The following DSCAML1 variants were observed in gnomAD, a reference collection of about 807,000 sequenced individuals.
DSCAML1 encodes the protein DS cell adhesion molecule like 1, also known as cell adhesion molecule DSCAML1.
DSCAML1 carries 38 observed loss-of-function variants against 200.5 expected under a neutral mutation model. The observed-to-expected ratio is 0.19, with a 90% CI of 0.15 to 0.25. The LOEUF (loss-of-function observed/expected upper bound fraction) is 0.25. Ranked by LOEUF, DSCAML1 falls within the 10% of genes least tolerant of loss-of-function variation. DSCAML1 has a pLI of 1.00. For missense variants in DSCAML1, 2,223 were observed against 2,858.8 expected, an observed-to-expected ratio of 0.78 and a Z score of 5.07; for synonymous variants, 1,215 against 1,165.0, an observed-to-expected ratio of 1.04 and a Z score of -0.87.
At chr11:117,775,707 C>CTACT (rs2055118456) in intron 3 of DSCAML1, among the ~76,000 whole-genome samples, 1 of 152,132 alleles carries the variant, frequency 6.6e-6, no homozygotes, top group South Asian at 2.1e-4. Flanking sequence ...TGCCCAGGCT[C>CTACT]TACTCCTGGG....
chr11:117,439,964 T>A, intron 21 of DSCAML1, 28 bp from the exon 22 acceptor site: 1 of 1,582,774 alleles, frequency 6.3e-7, no homozygotes, highest in Non-Finnish European at 8.7e-7. Flanking sequence ...TGAGGGCCAC[T>A]CCACTTCTAC....
In DSCAML1 at chr11:117,777,045, A is replaced by G. The variant is rs559229552; in HGVS notation, c.365-108T>C. 1.2e-4 allele frequency: 146 copies of G among 1,168,270 alleles called. 1 individual carries two copies. The African/African-American group carries it at 2.1e-3, about 17-fold the overall frequency. The allele number at this position is 1,168,270 out of a possible 1,614,324, so 72.4% of individuals were successfully genotyped here. ...CAACTCCCTCTGCTCCTTCAGCCTC[A>G]CCTTCCCACTTCTTCCTTCCCCCAT... On this transcript the variant is annotated intron_variant, in intron 2 of 32. Transcript: ENST00000651296.
intron 3 of DSCAML1, among the ~76,000 whole-genome samples, chr11:117,602,625 T>C (rs1591311843): frequency 6.6e-6 from 1 of 152,066 alleles, no homozygotes; most frequent in African/African-American, 2.4e-5. Flanking sequence ...CCTCCCGAAG[T>C]GCTGGGATTA....
chr11:117,478,228 T>A (rs1347942876), intron 14 of DSCAML1, among the ~76,000 whole-genome samples: 1 of 152,046 alleles, frequency 6.6e-6, no homozygotes, highest in African/African-American at 2.4e-5. Context: ...GCTGTGGGCA[T>A]CAGGGCAGCA....
intron 28 of DSCAML1, 77 bp downstream of exon 28, chr11:117,433,364 T>A (rs181236117): frequency 6.3e-7 from 1 of 1,591,256 alleles, no homozygotes; most frequent in Non-Finnish European, 8.6e-7. Flanking sequence ...TTCTGGGAGT[T>A]CAGAGCGAGG....
chr11:117,698,630 G>A (rs913945932), intron 3 of DSCAML1, among the ~76,000 whole-genome samples: 10 of 152,006 alleles, frequency 6.6e-5, no homozygotes, highest in Admixed American at 1.3e-4. Flanking sequence ...GGTGTGAAGT[G>A]GCATCTCATC....
chr11:117,546,471 C>A (rs1007578312), intron 3 of DSCAML1, among the ~76,000 whole-genome samples: 1 of 152,192 alleles, frequency 6.6e-6, no homozygotes, highest in South Asian at 2.1e-4. Context: ...CAGAACTTGA[C>A]CTGGATCTCA....
chr11:117,804,915 A>C (rs2055696820), intron 1 of DSCAML1, among the ~76,000 whole-genome samples: 1 of 146,630 alleles, frequency 6.8e-6, no homozygotes, highest in Non-Finnish European at 1.5e-5. Flanking sequence ...TGGGTGACAG[A>C]CTCTGTCTCA....
At chr11:117,430,483 A>G (rs1166012445) in intron 32 of DSCAML1, among the ~76,000 whole-genome samples, 1 of 152,252 alleles carries the variant, frequency 6.6e-6, no homozygotes, top group Non-Finnish European at 1.5e-5. Flanking sequence ...TGAGAAACTT[A>G]AGGCCACAGA....
chr11:117,617,682 A>ACG lies in DSCAML1; in HGVS notation c.512-85161_512-85160insCG, dbSNP rs991038186. Among the ~76,000 whole-genome samples the ACG allele has an allele frequency of 3.8e-3, 63 of 16,788 alleles. 1 individual carries two copies. In the South Asian group the frequency reaches 0.039, roughly 10 times the overall value. The allele number at this position is 16,788 out of a possible 152,430, so 11.0% of individuals were successfully genotyped here. On this transcript the variant is annotated intron_variant, in intron 3 of 32. Transcript: ENST00000651296. ...CACAAGACAACACACAGGTACACGCACACACACACACACACACACACACAC... is the reference window on the plus strand; with the variant it reads ...CACAAGACAACACACAGGTACACGCACGCACACACACACACACACACACACAC...
intron 3 of DSCAML1, among the ~76,000 whole-genome samples, chr11:117,625,627 T>A (rs746598670): frequency 6.6e-5 from 10 of 152,206 alleles, no homozygotes; most frequent in Non-Finnish European, 1.0e-4. Flanking sequence ...CAGCTTGAGG[T>A]AGGGCTGGCC....
At chr11:117,531,008 TTAGA>T (rs1319363016) in intron 4 of DSCAML1, among the ~76,000 whole-genome samples, 1 of 152,102 alleles carries the variant, frequency 6.6e-6, no homozygotes, top group Non-Finnish European at 1.5e-5. Context: ...GAAATCAGAA[TTAGA>T]TAGAATAGAA....
chr11:117,711,258 C>A (rs769540614), intron 3 of DSCAML1, among the ~76,000 whole-genome samples: 10 of 152,172 alleles, frequency 6.6e-5, no homozygotes, highest in Non-Finnish European at 1.2e-4. Flanking sequence ...TTTCCACCTT[C>A]CATTCTTTTG....
chr11:117,578,069 T>C (rs2050978732), intron 3 of DSCAML1, among the ~76,000 whole-genome samples: 1 of 151,364 alleles, frequency 6.6e-6, no homozygotes, highest in Non-Finnish European at 1.5e-5. Flanking sequence ...ACCCTGTCTT[T>C]ACTAAAAATG....
In DSCAML1 at chr11:117,505,052, A is replaced by T. The variant is rs766678580; in HGVS notation, c.2063-9T>A. The T allele has an allele frequency of 6.2e-7, 1 of 1,603,816 alleles. No individual in the cohort carries two copies. Among genetic ancestry groups the T allele is most frequent in the Non-Finnish European group, 8.5e-7 (1 of 1,174,684 alleles). On this transcript the variant is annotated splice_polypyrimidine_tract_variant and intron_variant, in intron 9 of 32. Coordinates refer to ENST00000651296, the MANE Select transcript of DSCAML1 (RefSeq NM_020693.4). This position sits in a 1 kb window ranked among gnomAD's most constrained non-coding sequence, Gnocchi z 6.7. ...CACAAATCGAGGGGGCACTGCAGAAAGAGGGAAGGTAGGGAAACAGACCAT... is the reference window on the plus strand; with the variant it reads ...CACAAATCGAGGGGGCACTGCAGAATGAGGGAAGGTAGGGAAACAGACCAT...
intron 3 of DSCAML1, among the ~76,000 whole-genome samples, chr11:117,664,436 C>T (rs1452365957): frequency 6.6e-6 from 1 of 152,206 alleles, no homozygotes; most frequent in Non-Finnish European, 1.5e-5. Flanking sequence ...CTGACACCTC[C>T]CTGCCATGTG....
intron 3 of DSCAML1, among the ~76,000 whole-genome samples, chr11:117,732,190 T>C (rs112899173): frequency 1.7e-4 from 26 of 152,338 alleles, no homozygotes; most frequent in African/African-American, 6.0e-4. Context: ...GGTGCACAGG[T>C]GCTGTGCTGG....
chr11:117,529,376 C>T (rs1016333346), intron 4 of DSCAML1, among the ~76,000 whole-genome samples: 1 of 152,138 alleles, frequency 6.6e-6, no homozygotes, highest in Non-Finnish European at 1.5e-5. Context: ...CCACGCCTGG[C>T]CTTTCTTAAT....
At chr11:117,599,411 T>C (rs886257877) in intron 3 of DSCAML1, among the ~76,000 whole-genome samples, 1 of 152,200 alleles carries the variant, frequency 6.6e-6, no homozygotes, top group African/African-American at 2.4e-5. Context: ...TCTCATAGCA[T>C]TATGGAATAG....
Sources: allele counts gnomAD v4.1 joint callset (sites outside exome capture counted in the v4.1 genomes callset), GRCh38; gene constraint gnomAD v4.1.1; non-coding constraint Gnocchi (gnomAD v3.1); transcripts MANE v1.5; gene names NCBI Gene and HGNC (gene_info 2026-07-23, HGNC 2026-07-21).